TRIM9: variants seen among roughly 807,000 people sequenced by gnomAD.
The protein encoded by TRIM9 is tripartite motif containing 9, also known as E3 ubiquitin-protein ligase TRIM9.
TRIM9 carries 26 observed loss-of-function variants against 78.3 expected under a neutral mutation model. That is an observed-to-expected ratio of 0.33 (90% CI 0.24 to 0.46). The LOEUF (loss-of-function observed/expected upper bound fraction) is 0.46, where lower values mean the gene tolerates loss of function less well. Among genes scored for constraint, TRIM9 ranks in the 20% least tolerant of loss-of-function variants. TRIM9 has a pLI of 1.00. For missense variants in TRIM9, 787 were observed against 1,036.4 expected (o/e 0.76, Z 3.30); for synonymous variants, 398 against 416.5 (o/e 0.96, Z 0.54).
At chr14:51,059,204 A>G (rs1056975251) in intron 1 of TRIM9, among the ~76,000 whole-genome samples, 1 of 152,164 alleles carries the variant, frequency 6.6e-6, no homozygotes, top group Non-Finnish European at 1.5e-5. Context: ...AAGGGCAGAG[A>G]TTTTTCATTC....
chr14:51,016,259 G>A (rs901861455), intron 3 of TRIM9, among the ~76,000 whole-genome samples: 1 of 152,178 alleles, frequency 6.6e-6, no homozygotes, highest in African/African-American at 2.4e-5. Flanking sequence ...ACTGGCACTG[G>A]TCCGTGGCCT....
At chr14:50,979,083 CTTTCGT>C in intron 12 of TRIM9, 1 of 1,331,996 alleles carries the variant, frequency 7.5e-7, no homozygotes. Context: ...TGGTTAAAGG[CTTTCGT>C]TTCTATTTAG....
intron 4 of TRIM9, among the ~76,000 whole-genome samples, 179 bp from the exon 5 acceptor site, chr14:51,009,412 A>C (rs1356211082): frequency 6.6e-6 from 1 of 152,192 alleles, no homozygotes; most frequent in Admixed American, 6.5e-5. Context: ...ACAATTCATC[A>C]AGCAAATCTG....
intron 1 of TRIM9, among the ~76,000 whole-genome samples, chr14:51,055,282 T>C (rs1324713030): frequency 6.6e-6 from 1 of 152,212 alleles, no homozygotes; most frequent in African/African-American, 2.4e-5. Flanking sequence ...TGTTTTCTTA[T>C]CACGTTGATT....
chr14:50,988,687 C>T (rs993417977), intron 7 of TRIM9, among the ~76,000 whole-genome samples: 1 of 151,760 alleles, frequency 6.6e-6, no homozygotes, highest in African/African-American at 2.4e-5. Flanking sequence ...AAAAATCCTA[C>T]CTTGCAATGA....
chr14:51,025,436 AAG>A (rs2139803228), intron 1 of TRIM9, 76 bp from the exon 2 acceptor site: 1 of 347,300 alleles, frequency 2.9e-6, no homozygotes, highest in Non-Finnish European at 4.8e-6. Flanking sequence ...CTCAAAACTG[AAG>A]AGTCATCAAC....
In TRIM9 at chr14:50,982,155, G is replaced by A. The variant is rs1555332149; in HGVS notation, c.1859-52C>T. On this transcript the variant is annotated intron_variant, in intron 10 of 12. Coordinates refer to ENST00000684578, the MANE Select transcript of TRIM9 (RefSeq NM_001387360.1). ...TATTAAGACAGACCCAACAAGCTCA[G>A]CACCATAACATACTCCTGGGCGGGT... The A allele has an allele frequency of 6.9e-6, 11 of 1,592,438 alleles. No homozygotes were observed. In the East Asian group the frequency reaches 2.5e-4, roughly 36 times the overall value.
At chr14:51,085,106 G>T (rs1473633897) in intron 1 of TRIM9, among the ~76,000 whole-genome samples, 2 of 152,218 alleles carry the variant, frequency 1.3e-5, no homozygotes, top group East Asian at 1.9e-4. Context: ...CTCTCCTGGA[G>T]CATGGGAGTA....
At chr14:51,066,155 A>G (rs2140194757) in intron 1 of TRIM9, among the ~76,000 whole-genome samples, 1 of 150,958 alleles carries the variant, frequency 6.6e-6, no homozygotes, top group South Asian at 2.1e-4. Context: ...TTTCCTTTTC[A>G]CCATATCTCC....
chr14:51,000,156 A>G (rs1234511975), intron 6 of TRIM9, among the ~76,000 whole-genome samples: 1 of 152,240 alleles, frequency 6.6e-6, no homozygotes, highest in Non-Finnish European at 1.5e-5. Context: ...AATCAAAGAC[A>G]TTAGAAGCTG....
At chr14:51,005,303 C>T (rs2055628627) in intron 5 of TRIM9, among the ~76,000 whole-genome samples, 1 of 152,112 alleles carries the variant, frequency 6.6e-6, no homozygotes, top group Non-Finnish European at 1.5e-5. Context: ...CTCTTATATT[C>T]AACTTGAGTC....
At chr14:51,025,397 C>G in intron 1 of TRIM9, 37 bp from the exon 2 acceptor site, 2 of 1,335,462 alleles carry the variant, frequency 1.5e-6, no homozygotes, top group Non-Finnish European at 2.1e-6. Context: ...GAGCTGTAAT[C>G]ACAGGATACA....
At chr14:50,999,197 C>A (rs906751969) in intron 6 of TRIM9, among the ~76,000 whole-genome samples, 6 of 150,942 alleles carry the variant, frequency 4.0e-5, no homozygotes, top group African/African-American at 1.5e-4. Context: ...AGGAAAAAGT[C>A]AAGACAAAAT....
intron 1 of TRIM9, among the ~76,000 whole-genome samples, chr14:51,042,196 A>G (rs2059626620): frequency 6.6e-6 from 1 of 152,210 alleles, no homozygotes; most frequent in Non-Finnish European, 1.5e-5. Context: ...AGCCGTTGCA[A>G]GTATGTGACA....
At chr14:51,000,184 T>C (rs1037418576) in intron 6 of TRIM9, among the ~76,000 whole-genome samples, 2 of 152,172 alleles carry the variant, frequency 1.3e-5, no homozygotes, top group Admixed American at 6.5e-5. Flanking sequence ...CAGAAATAAA[T>C]CTTGGACAAC....
rs17123347 is a variant in TRIM9 at position 50,990,626 on chromosome 14, T to C, written c.1604-4482A>G. Among the ~76,000 whole-genome samples the C allele has an allele frequency of 3.0e-3, 453 of 152,322 alleles. 5 individuals are homozygous for C. In the South Asian group the frequency reaches 0.034, roughly 12 times the overall value. On this transcript the variant is annotated intron_variant, in intron 7 of 12. Coordinates refer to ENST00000684578, the MANE Select transcript of TRIM9 (RefSeq NM_001387360.1). ...AAGAGGAAAAGCAAACAGATTGTGG[T>C]TGCTTATGATAGTGTATACTAATCC...
In TRIM9 at chr14:51,093,583, G is replaced by C. The variant is rs144449803; in HGVS notation, c.822+535C>G. ...GCTCGAGAGCCAGGTCTGGCCCAGAGCCGGGCTCATCAGTATTCCGCCTGC... is the reference window on the plus strand; with the variant it reads ...GCTCGAGAGCCAGGTCTGGCCCAGACCCGGGCTCATCAGTATTCCGCCTGC... On this transcript the variant is annotated intron_variant, in intron 1 of 12. Coordinates refer to ENST00000684578, the MANE Select transcript of TRIM9 (RefSeq NM_001387360.1). Among the ~76,000 whole-genome samples, 422 of 152,330 alleles carry C rather than the reference G, an allele frequency of 2.8e-3. 1 individual carries two copies. Among genetic ancestry groups the C allele is most frequent in the African/African-American group, 9.7e-3 (404 of 41,586 alleles).
At position 50,997,775 on chromosome 14, in the gene TRIM9, TCAGCTTCTTCAACTG is replaced by T. The variant is rs1308052111; in HGVS notation, c.1603+260_1603+274del. 6.6e-6 allele frequency: 9 copies of T among 1,357,880 alleles called. No homozygotes were observed. The African/African-American group carries it at 1.3e-4, about 20-fold the overall frequency. 84.1% of individuals were successfully genotyped at this position (1,357,880 alleles called of 1,614,324 possible). A position where few individuals can be genotyped will look rare whatever the true frequency, so the allele number is the denominator to read the frequency against. On this transcript the variant is annotated intron_variant, in intron 7 of 12. Coordinates refer to ENST00000684578, the MANE Select transcript of TRIM9 (RefSeq NM_001387360.1). ...AGGGGCACATTCAGGCCTTCATTTT[TCAGCTTCTTCAACTG>T]CAGCTTATTTAGATTGTTATCAAAG...
intron 7 of TRIM9, among the ~76,000 whole-genome samples, chr14:50,995,442 A>G (rs764467129): frequency 3.9e-5 from 6 of 152,216 alleles, no homozygotes; most frequent in Admixed American, 2.0e-4. Flanking sequence ...TGCCCAATAA[A>G]TAGACAGATA....
Sources: allele counts gnomAD v4.1 joint callset (sites outside exome capture counted in the v4.1 genomes callset), GRCh38; gene constraint gnomAD v4.1.1; transcripts MANE v1.5; gene names NCBI Gene and HGNC (gene_info 2026-07-23, HGNC 2026-07-21).